The following FBXL7 variants were observed in gnomAD, a reference collection of about 807,000 sequenced individuals.
The protein encoded by FBXL7 is F-box and leucine rich repeat protein 7.
In FBXL7, 12 loss-of-function variants were observed where a neutral mutation model predicts 38.3. The ratio of observed to expected loss-of-function variants is 0.31; its 90% CI spans 0.20 to 0.51. The LOEUF (loss-of-function observed/expected upper bound fraction) is 0.51, where lower values mean the gene tolerates loss of function less well. Among genes scored for constraint, FBXL7 ranks in the 20% least tolerant of loss-of-function variants. The pLI, the probability that FBXL7 is intolerant of heterozygous loss-of-function variation, is 0.98. For synonymous variants in FBXL7, 297 were observed against 300.9 expected (o/e 0.99, Z 0.13); for missense variants, 567 against 676.4 (o/e 0.84, Z 1.79).
Position 15,928,948 on chromosome 5 carries a change from T to A in FBXL7, c.739+447T>A, listed in dbSNP as rs887804826. 6.6e-6 allele frequency among the ~76,000 whole-genome samples: 1 copy of A among 152,164 alleles called. No homozygotes were observed. The highest frequency in any genetic ancestry group is 1.5e-5 in the Non-Finnish European group (1 of 68,034). On this transcript the variant is annotated intron_variant, in intron 3 of 3. Transcript: ENST00000504595. This position sits in a 1 kb window ranked among gnomAD's most constrained non-coding sequence, Gnocchi z 4.0. ...TACTCTTCATAACTCTCACAGTTACTTCAGAGCAACCATAGATAGTGCAAA... is the reference window on the plus strand; with the variant it reads ...TACTCTTCATAACTCTCACAGTTACATCAGAGCAACCATAGATAGTGCAAA...
chr5:15,506,223 A>G (rs1022728456), intron 1 of FBXL7, among the ~76,000 whole-genome samples: 1 of 151,866 alleles, frequency 6.6e-6, no homozygotes, highest in African/African-American at 2.4e-5. Context: ...GGGGCCATTA[A>G]GAAGTAGAAT....
chr5:15,689,107 A>T (rs1271076649), intron 2 of FBXL7, among the ~76,000 whole-genome samples: 9 of 152,118 alleles, frequency 5.9e-5, no homozygotes, highest in Non-Finnish European at 1.0e-4. Context: ...GGGAACTCCA[A>T]CGGTGCACGT....
rs16867733 is a variant in FBXL7, at chr5:15,791,687, G to A, written c.128-136203G>A. 5.4e-3 allele frequency among the ~76,000 whole-genome samples: 818 copies of A among 152,292 alleles called. 6 individuals are homozygous for A. Among genetic ancestry groups the A allele is most frequent in the African/African-American group, 0.019 (782 of 41,566 alleles). On this transcript the variant is annotated intron_variant, in intron 2 of 3. Coordinates refer to ENST00000504595, the MANE Select transcript of FBXL7 (RefSeq NM_012304.5). The stretch of plus-strand genomic sequence containing the variant: ...CACTAGCCAGAACTGGGAGAGGGCG[G>A]TCACTGTCTGGGGAGAAGACTTTGT...
intron 1 of FBXL7, among the ~76,000 whole-genome samples, chr5:15,529,641 G>A (rs1157361653): frequency 2.6e-5 from 4 of 152,088 alleles, no homozygotes; most frequent in African/African-American, 9.7e-5. Context: ...ACCCACCTCG[G>A]CCTCCCAAAG....
At chr5:15,654,548 T>C (rs1218203547) in intron 2 of FBXL7, among the ~76,000 whole-genome samples, 1 of 152,218 alleles carries the variant, frequency 6.6e-6, no homozygotes, top group Non-Finnish European at 1.5e-5. Flanking sequence ...ATGTTTGATG[T>C]CTATTACTAA....
At chr5:15,814,578 A>T (rs556038375) in intron 2 of FBXL7, among the ~76,000 whole-genome samples, 2 of 152,266 alleles carry the variant, frequency 1.3e-5, no homozygotes, top group Admixed American at 6.5e-5. Context: ...TATATATATT[A>T]AAAAAAGAAA....
At chr5:15,777,404 G>A (rs1408877727) in intron 2 of FBXL7, among the ~76,000 whole-genome samples, 5 of 151,924 alleles carry the variant, frequency 3.3e-5, no homozygotes, top group Admixed American at 1.3e-4. Context: ...TATGGATAAC[G>A]TATTCCCTAT....
intron 2 of FBXL7, among the ~76,000 whole-genome samples, chr5:15,617,324 C>G (rs902941142): frequency 6.6e-6 from 1 of 152,140 alleles, no homozygotes; most frequent in Admixed American, 6.6e-5. Context: ...AGGTAGCAAT[C>G]CAGTTTTAAT....
chr5:15,524,359 TG>T (rs775361709), intron 1 of FBXL7, among the ~76,000 whole-genome samples: 2 of 152,122 alleles, frequency 1.3e-5, no homozygotes, highest in South Asian at 2.1e-4. Flanking sequence ...CTTAACTTCT[TG>T]GGGGGGCTGA....
chr5:15,755,580 AT>A lies in FBXL7; in HGVS notation c.127+139512del, dbSNP rs777067492. ...TATATCGCAGTCTGCAAATAGCTATATTTTGCTTGGGCAACAAAGCCGAGGA... is the reference window on the plus strand; with the variant it reads ...TATATCGCAGTCTGCAAATAGCTATATTTGCTTGGGCAACAAAGCCGAGGA... On this transcript the variant is annotated intron_variant, in intron 2 of 3. Coordinates refer to ENST00000504595, the MANE Select transcript of FBXL7 (RefSeq NM_012304.5). 4.5e-3 allele frequency among the ~76,000 whole-genome samples: 689 copies of A among 152,320 alleles called. 2 individuals are homozygous for A. Among genetic ancestry groups the A allele is most frequent in the Non-Finnish European group, 7.6e-3 (515 of 68,026 alleles).
At chr5:15,669,200 A>G (rs1053621172) in intron 2 of FBXL7, among the ~76,000 whole-genome samples, 4 of 152,210 alleles carry the variant, frequency 2.6e-5, no homozygotes, top group African/African-American at 4.8e-5. Context: ...AAAAAAAGGA[A>G]TGGAACTTTT....
At chr5:15,598,992 G>A (rs1739709723) in intron 1 of FBXL7, among the ~76,000 whole-genome samples, 1 of 152,108 alleles carries the variant, frequency 6.6e-6, no homozygotes, top group Non-Finnish European at 1.5e-5. Context: ...TGTAGTAGTA[G>A]AAAGATTCTG....
At position 15,778,915 on chromosome 5, in the gene FBXL7, G is replaced by C. The variant is rs142293160; in HGVS notation, c.128-148975G>C. Among the ~76,000 whole-genome samples, 5 of 152,228 alleles carry C rather than the reference G, an allele frequency of 3.3e-5. No homozygotes were observed. In the East Asian group the frequency reaches 9.7e-4, roughly 29 times the overall value. Reference sequence around the variant, plus strand: ...TTAATAGCAGAGCACCTTCTCTCAAGATAAAAAACGTGGTTTCTTACTACA... The same window carrying C: ...TTAATAGCAGAGCACCTTCTCTCAACATAAAAAACGTGGTTTCTTACTACA... On this transcript the variant is annotated intron_variant, in intron 2 of 3. Transcript: ENST00000504595.
intron 2 of FBXL7, among the ~76,000 whole-genome samples, chr5:15,867,550 A>G (rs1279984024): frequency 1.3e-5 from 2 of 152,250 alleles, no homozygotes; most frequent in Non-Finnish European, 2.9e-5. Context: ...GGGAAGTACA[A>G]TAATGGCCCC....
intron 2 of FBXL7, among the ~76,000 whole-genome samples, chr5:15,765,467 C>A (rs1736560842): frequency 6.6e-6 from 1 of 152,112 alleles, no homozygotes; most frequent in South Asian, 2.1e-4. Flanking sequence ...ACTGAGCATA[C>A]CTAGCCAGTG....
chr5:15,897,140 A>G (rs1203069244), intron 2 of FBXL7, among the ~76,000 whole-genome samples: 1 of 152,164 alleles, frequency 6.6e-6, no homozygotes, highest in Non-Finnish European at 1.5e-5. Flanking sequence ...CTCTCTCTAT[A>G]TATACGTATA....
chr5:15,927,938 T>C lies in FBXL7; in HGVS notation c.176T>C (p.Ile59Thr). The change falls in exon 3 of 4, where the codon ATA becomes ACA. Residue 59 changes from isoleucine to threonine, a missense_variant. Physicochemically the swap from Ile to Thr is moderately conservative, Grantham distance 89 (BLOSUM62 -1). Transcript: ENST00000504595. ...RTLSTPSPAL[I>T]CPPNLPGFQN... is the part of the protein sequence containing the mutation. ...CTGAGCACGCCCAGCCCAGCCCTGA[T>C]ATGTCCACCGAATCTCCCAGGATTT... The C allele has an allele frequency of 6.4e-7, 1 of 1,560,620 alleles. No individual in the cohort carries two copies. Among genetic ancestry groups the C allele is most frequent in the Non-Finnish European group, 8.7e-7 (1 of 1,151,770 alleles).
chr5:15,759,955 A>T (rs1736395913), intron 2 of FBXL7, among the ~76,000 whole-genome samples: 1 of 152,348 alleles, frequency 6.6e-6, no homozygotes, highest in Non-Finnish European at 1.5e-5. Flanking sequence ...CAAAGTATTT[A>T]ACATTTTACT....
chr5:15,601,578 G>C (rs1739794448), intron 1 of FBXL7, among the ~76,000 whole-genome samples: 1 of 152,208 alleles, frequency 6.6e-6, no homozygotes, highest in Middle Eastern at 3.4e-3. Context: ...CATATTGCCT[G>C]CTCTTTTAGA....
Sources: allele counts gnomAD v4.1 joint callset (sites outside exome capture counted in the v4.1 genomes callset), GRCh38; gene constraint gnomAD v4.1.1; non-coding constraint Gnocchi (gnomAD v3.1); transcripts MANE v1.5; gene names NCBI Gene and HGNC (gene_info 2026-07-23, HGNC 2026-07-21).